The following CC2D2B variants were observed in gnomAD, a reference collection of about 807,000 sequenced individuals.
CC2D2B encodes coiled-coil and C2 domain containing 2B.
A neutral mutation model predicts 161.2 loss-of-function variants in CC2D2B; 128 were observed. The observed-to-expected ratio is 0.79, with a 90% CI of 0.69 to 0.92. The LOEUF (loss-of-function observed/expected upper bound fraction) is 0.92, where lower values mean the gene tolerates loss of function less well. Among genes scored for constraint, CC2D2B ranks in the 40% least tolerant of loss-of-function variants. The pLI is 0.00. For synonymous variants in CC2D2B, 391 were observed against 449.8 expected, an observed-to-expected ratio of 0.87 and a Z score of 1.65; for missense variants, 1,173 against 1,375.1, an observed-to-expected ratio of 0.85 and a Z score of 2.32.
At chr10:95,968,292 G>T (rs1455424980) in intron 14 of CC2D2B, among the ~76,000 whole-genome samples, 3 of 152,148 alleles carry the variant, frequency 2.0e-5, no homozygotes, top group African/African-American at 7.2e-5. Context: ...GGTGTGTGGA[G>T]GGTTGTGTGT....
chr10:95,913,487 G>A, intron 2 of CC2D2B: 1 of 336,124 alleles, frequency 3.0e-6, no homozygotes, highest in Non-Finnish European at 5.8e-6. Context: ...ATACCCAGCA[G>A]TGGAATTGCT....
Position 95,981,342 on chromosome 10 carries a change from G to A in CC2D2B, c.1944-633G>A, listed in dbSNP as rs190312558. ...TGGGAGGCAGAGGTTGCAGTGAGCC[G>A]GGATCGCGCCACCGCACTCCAGCCT... On this transcript the variant is annotated intron_variant, in intron 17 of 34. Coordinates refer to ENST00000646931, the MANE Select transcript of CC2D2B (RefSeq NM_001349008.3). 4.9e-3 allele frequency among the ~76,000 whole-genome samples: 717 copies of A among 147,598 alleles called. 3 individuals carry two copies. Among genetic ancestry groups the A allele is most frequent in the African/African-American group, 0.017 (681 of 40,194 alleles).
At chr10:95,960,167 C>G (rs778697920) in intron 11 of CC2D2B, among the ~76,000 whole-genome samples, 3 of 152,128 alleles carry the variant, frequency 2.0e-5, no homozygotes, top group African/African-American at 7.2e-5. Flanking sequence ...TTGTCTGACT[C>G]CAAGTATCTT....
intron 24 of CC2D2B, among the ~76,000 whole-genome samples, chr10:96,001,661 G>T (rs2078503757): frequency 6.6e-6 from 1 of 152,194 alleles, no homozygotes; most frequent in African/African-American, 2.4e-5. Context: ...TTTCAAATTA[G>T]GGGTAGGGGA....
chr10:95,988,764 GA>G (rs553556981), intron 20 of CC2D2B, among the ~76,000 whole-genome samples: 126 of 152,264 alleles, frequency 8.3e-4, no homozygotes, highest in African/African-American at 3.0e-3. Flanking sequence ...GATACGCTTT[GA>G]AACGAAGCCA....
At chr10:95,937,467 A>T (rs979128022) in intron 6 of CC2D2B, among the ~76,000 whole-genome samples, 2 of 152,086 alleles carry the variant, frequency 1.3e-5, no homozygotes, top group African/African-American at 4.8e-5. Flanking sequence ...TATATCATAT[A>T]TCAGAATTTC....
At chr10:96,016,078 G>T in intron 29 of CC2D2B, 123 bp from the exon 30 acceptor site, 1 of 663,722 alleles carries the variant, frequency 1.5e-6, no homozygotes, top group South Asian at 1.7e-5. Flanking sequence ...TTAGCAACTT[G>T]GTAAAAATAA....
intron 9 of CC2D2B, among the ~76,000 whole-genome samples, chr10:95,941,884 T>C (rs2076035190): frequency 1.3e-5 from 2 of 152,160 alleles, no homozygotes; most frequent in African/African-American, 4.8e-5. Context: ...TGAAGTGATA[T>C]TTGCATTCCC....
intron 2 of CC2D2B, chr10:95,913,329 T>C (rs2098509999): frequency 7.7e-6 from 2 of 259,264 alleles, no homozygotes; most frequent in Non-Finnish European, 1.6e-5. Flanking sequence ...CTCCATTGCA[T>C]ATATATATAT....
intron 22 of CC2D2B, chr10:95,993,110 AT>A (rs921031249): frequency 6.4e-6 from 1 of 156,714 alleles, no homozygotes; most frequent in Non-Finnish European, 1.4e-5. Context: ...CAAATGTGGA[AT>A]GGTGTGTAAA....
intron 17 of CC2D2B, among the ~76,000 whole-genome samples, chr10:95,981,398 C>CAAAAAA (rs35175559): frequency 2.3e-5 from 2 of 88,428 alleles, no homozygotes; most frequent in African/African-American, 4.3e-5. Flanking sequence ...GACTCCGTCT[C>CAAAAAA]AAAAAAAAAA....
At chr10:95,963,919 A>G (rs114236885) in intron 12 of CC2D2B, among the ~76,000 whole-genome samples, 2,835 of 152,300 alleles carry the variant, frequency 0.019, 36 homozygotes, top group Middle Eastern at 0.054. Flanking sequence ...AACTGTTAGC[A>G]ACACTGCATT....
At chr10:96,025,170 T>TAAAAAAAAAAAAA (rs1564683762) in intron 33 of CC2D2B, among the ~76,000 whole-genome samples, 9 of 19,308 alleles carry the variant, frequency 4.7e-4, no homozygotes, top group East Asian at 4.1e-3. Flanking sequence ...TATATATATA[T>TAAAAAAAAAAAAA]ATATATATAT....
At chr10:95,965,599 CCT>C (rs1177389852) in intron 12 of CC2D2B, among the ~76,000 whole-genome samples, 2 of 151,976 alleles carry the variant, frequency 1.3e-5, no homozygotes, top group African/African-American at 2.4e-5. Context: ...TCCCCATTCC[CCT>C]GTTACTTATT....
intron 33 of CC2D2B, among the ~76,000 whole-genome samples, chr10:96,026,129 C>T (rs1279586617): frequency 6.6e-6 from 1 of 152,172 alleles, no homozygotes; most frequent in Non-Finnish European, 1.5e-5. Flanking sequence ...AGACCCTCTA[C>T]AAACTCCAAA....
chr10:95,965,033 T>C (rs1399162516), intron 12 of CC2D2B, among the ~76,000 whole-genome samples: 1 of 152,132 alleles, frequency 6.6e-6, no homozygotes, highest in Non-Finnish European at 1.5e-5. Context: ...GTTAACATTT[T>C]TGAGGAACTG....
chr10:95,926,736 G>C (rs1041933797), intron 5 of CC2D2B, among the ~76,000 whole-genome samples: 1 of 151,630 alleles, frequency 6.6e-6, no homozygotes, highest in Non-Finnish European at 1.5e-5. Flanking sequence ...CTTTGTCAGC[G>C]GGTTTACAAC....
At chr10:95,999,150 C>G (rs2078359193) in intron 24 of CC2D2B, among the ~76,000 whole-genome samples, 2 of 152,166 alleles carry the variant, frequency 1.3e-5, no homozygotes, top group Admixed American at 1.3e-4. Flanking sequence ...GACCAAATAT[C>G]TAGAAACTGT....
chr10:96,005,146 G>T (rs2078688826), intron 25 of CC2D2B, among the ~76,000 whole-genome samples: 1 of 152,190 alleles, frequency 6.6e-6, no homozygotes, highest in Admixed American at 6.5e-5. Context: ...GTGTTTTGAT[G>T]ATCGAAATTG....
Sources: gnomAD v4.1 joint callset for allele counts (sites outside exome capture counted in the v4.1 genomes callset) on GRCh38, gnomAD v4.1.1 for gene constraint, MANE v1.5 for transcripts, NCBI Gene and HGNC (gene_info 2026-07-23, HGNC 2026-07-21) for gene names.